SEMA3A: variants seen among roughly 807,000 people sequenced by gnomAD.
The protein encoded by SEMA3A is semaphorin 3A.
SEMA3A carries 29 observed loss-of-function variants against 97.9 expected under a neutral mutation model. The ratio of observed to expected loss-of-function variants is 0.30; its 90% CI spans 0.22 to 0.40. SEMA3A has a LOEUF of 0.40. SEMA3A is among the 10% of genes least tolerant of loss of function. SEMA3A has a pLI of 1.00. For synonymous variants in SEMA3A, 321 were observed against 323.7 expected (o/e 0.99, Z 0.09); for missense variants, 763 against 951.3 (o/e 0.80, Z 2.60).
intron 5 of SEMA3A, among the ~76,000 whole-genome samples, chr7:84,048,387 A>G (rs1360328165): frequency 1.3e-5 from 2 of 152,126 alleles, no homozygotes; most frequent in East Asian, 3.9e-4. Flanking sequence ...CCTTAATATT[A>G]ACCAATATTC....
At chr7:84,214,196 T>A (rs1367348681) in intron 3 of SEMA3A, among the ~76,000 whole-genome samples, 2 of 152,122 alleles carry the variant, frequency 1.3e-5, no homozygotes, top group Non-Finnish European at 2.9e-5. Context: ...TTAAAAAAAA[T>A]TATCCCCATA....
At chr7:84,136,550 G>A (rs1043556962) in intron 1 of SEMA3A, among the ~76,000 whole-genome samples, 12 of 152,106 alleles carry the variant, frequency 7.9e-5, no homozygotes, top group African/African-American at 2.4e-4. Context: ...ATAGAGCCAC[G>A]CTTAAAGCTA....
At chr7:84,419,179 C>T (rs1391617043) in intron 1 of SEMA3A, among the ~76,000 whole-genome samples, 1 of 151,984 alleles carries the variant, frequency 6.6e-6, no homozygotes, top group African/African-American at 2.4e-5. Flanking sequence ...AATTTTCTCT[C>T]GACTATTTGA....
intron 3 of SEMA3A, among the ~76,000 whole-genome samples, chr7:84,207,303 G>C (rs1185377439): frequency 6.6e-6 from 1 of 152,166 alleles, no homozygotes; most frequent in East Asian, 1.9e-4. Flanking sequence ...GACAGCAAGA[G>C]ACAAAGCTGG....
rs1383299442 is a variant in SEMA3A, at chr7:84,136,996, G to GGAAGGAAGGAAGGAAA, written c.113-2046_113-2045insTTTCCTTCCTTCCTTC. Among the ~76,000 whole-genome samples the GGAAGGAAGGAAGGAAA allele has an allele frequency of 1.3e-4, 20 of 151,290 alleles. 1 individual carries two copies. Among genetic ancestry groups the GGAAGGAAGGAAGGAAA allele is most frequent in the African/African-American group, 4.9e-4 (20 of 41,118 alleles). ...AGGAAGGAAGGAAGGAAGGAAGGAA[G>GGAAGGAAGGAAGGAAA]GAAGGAAGGAAAAGAGTTTGTATTC... On this transcript the variant is annotated intron_variant, in intron 1 of 16. Coordinates refer to ENST00000265362, the MANE Select transcript of SEMA3A (RefSeq NM_006080.3).
intron 4 of SEMA3A, among the ~76,000 whole-genome samples, chr7:84,077,680 G>A (rs2115781988): frequency 6.6e-6 from 1 of 152,080 alleles, no homozygotes; most frequent in Non-Finnish European, 1.5e-5. Flanking sequence ...AAAAATAATT[G>A]TTATTTTGAC....
chr7:84,156,088 T>A (rs1281607189), intron 1 of SEMA3A, among the ~76,000 whole-genome samples: 1 of 152,174 alleles, frequency 6.6e-6, no homozygotes, highest in Admixed American at 6.5e-5. Flanking sequence ...CTTTTTATAA[T>A]TAGGATTTTG....
intron 1 of SEMA3A, among the ~76,000 whole-genome samples, chr7:84,393,083 CT>C (rs1803628061): frequency 6.6e-6 from 1 of 151,956 alleles, no homozygotes; most frequent in South Asian, 2.1e-4. Context: ...CTTTTGTTGC[CT>C]ATGCTTTGGG....
intron 1 of SEMA3A, among the ~76,000 whole-genome samples, chr7:84,384,335 A>C (rs1803347145): frequency 1.3e-5 from 2 of 152,330 alleles, no homozygotes; most frequent in South Asian, 2.1e-4. Flanking sequence ...GGAAAGAGTC[A>C]GATTTCTAAA....
At chr7:84,410,122 T>C (rs1328434350) in intron 1 of SEMA3A, among the ~76,000 whole-genome samples, 1 of 152,072 alleles carries the variant, frequency 6.6e-6, no homozygotes, top group Non-Finnish European at 1.5e-5. Context: ...TTTGTTCCTG[T>C]ATAAGAATCA....
At chr7:84,129,262 G>T in intron 2 of SEMA3A, 77 bp from the exon 3 acceptor site, 1 of 1,179,752 alleles carries the variant, frequency 8.5e-7, no homozygotes, top group Non-Finnish European at 1.3e-6. Context: ...TCTTTTAGAT[G>T]ACATTGGGGC....
rs59465422 is a variant in SEMA3A, at chr7:84,463,237, CTTTT to C, written c.-246+29219_-246+29222del. 8.1e-4 allele frequency among the ~76,000 whole-genome samples: 58 copies of C among 71,356 alleles called. 1 individual carries two copies. The highest frequency in any genetic ancestry group is 3.1e-3 in the African/African-American group (55 of 17,920). 46.8% of individuals were successfully genotyped at this position (71,356 alleles called of 152,430 possible). A position where few individuals can be genotyped will look rare whatever the true frequency, so the allele number is the denominator to read the frequency against. On this transcript the variant is annotated intron_variant, in intron 1 of 3. Transcript: ENST00000424555. ...ATTACTTTAGTATTTTGTAACTATT[CTTTT>C]TTTTTTTTTTTTTTTTTTTTTTTTT... is the stretch of plus-strand genomic sequence containing the variant.
At chr7:84,021,787 TC>T (rs1263734113) in intron 6 of SEMA3A, among the ~76,000 whole-genome samples, 1 of 152,204 alleles carries the variant, frequency 6.6e-6, no homozygotes, top group Non-Finnish European at 1.5e-5. Flanking sequence ...ATTGGTAGGT[TC>T]TTTTGAAAGA....
At chr7:84,331,614 G>A (rs531547524) in intron 2 of SEMA3A, among the ~76,000 whole-genome samples, 4 of 152,092 alleles carry the variant, frequency 2.6e-5, no homozygotes, top group East Asian at 3.9e-4. Context: ...TATACAGGAC[G>A]TCCACAGGTG....
chr7:84,187,160 G>A (rs1196565096), intron 1 of SEMA3A, among the ~76,000 whole-genome samples: 2 of 152,126 alleles, frequency 1.3e-5, no homozygotes, highest in African/African-American at 4.8e-5. Context: ...AGCCAAGTCT[G>A]GATTCTCCTA....
intron 4 of SEMA3A, among the ~76,000 whole-genome samples, chr7:84,074,479 A>C (rs2115767811): frequency 6.6e-6 from 1 of 152,260 alleles, no homozygotes; most frequent in Non-Finnish European, 1.5e-5. Flanking sequence ...ATAATGTATT[A>C]ACCCTACCTT....
intron 6 of SEMA3A, among the ~76,000 whole-genome samples, chr7:84,044,361 C>A (rs915928668): frequency 2.6e-5 from 4 of 152,002 alleles, no homozygotes; most frequent in African/African-American, 9.7e-5. Context: ...CCATGAGACC[C>A]CGTCTATCCC....
At chr7:84,297,794 C>A (rs1800906981) in intron 3 of SEMA3A, among the ~76,000 whole-genome samples, 1 of 152,156 alleles carries the variant, frequency 6.6e-6, no homozygotes, top group African/African-American at 2.4e-5. Flanking sequence ...TAAATTGTTG[C>A]AAAGTCCAGC....
intron 3 of SEMA3A, among the ~76,000 whole-genome samples, chr7:84,263,916 T>A (rs1799922951): frequency 6.6e-6 from 1 of 152,188 alleles, no homozygotes; most frequent in Non-Finnish European, 1.5e-5. Context: ...CAACTGAGAT[T>A]TGAATAGCGG....
Sources: allele counts gnomAD v4.1 joint callset (sites outside exome capture counted in the v4.1 genomes callset), GRCh38; gene constraint gnomAD v4.1.1; transcripts MANE v1.5; gene names NCBI Gene and HGNC (gene_info 2026-07-23, HGNC 2026-07-21).